OPCML: variants seen among roughly 807,000 people sequenced by gnomAD.
The protein encoded by OPCML is opioid-binding protein/cell adhesion molecule.
In OPCML, 13 loss-of-function variants were observed where a neutral mutation model predicts 37.8. That is an observed-to-expected ratio of 0.34 (90% confidence interval 0.22 to 0.55). The LOEUF is 0.55. OPCML is among the 20% of genes least tolerant of loss of function. The pLI, the probability that OPCML is intolerant of heterozygous loss-of-function variation, is 0.91. For missense variants in OPCML, 341 were observed against 435.6 expected (o/e 0.78, Z 1.93); for synonymous variants, 176 against 168.8 (o/e 1.04, Z -0.33).
At position 132,635,544 on chromosome 11, in the gene OPCML, A is replaced by G. The variant is rs1378900044; in HGVS notation, c.379+21543T>C. Among the ~76,000 whole-genome samples, 4 of 151,540 alleles carry G rather than the reference A, an allele frequency of 2.6e-5. No homozygotes were observed. In the East Asian group the frequency reaches 7.8e-4, roughly 30 times the overall value. Reference sequence around the variant, plus strand: ...AGTTTTATTCAAGGAAAAAAAAAAAAAAAGCCAGACTTCATGATATATGTC... The same window carrying G: ...AGTTTTATTCAAGGAAAAAAAAAAAGAAAGCCAGACTTCATGATATATGTC... On this transcript the variant is annotated intron_variant, in intron 3 of 7. Transcript: ENST00000524381.
At chr11:132,698,803 C>CAT (rs1225812506) in intron 2 of OPCML, among the ~76,000 whole-genome samples, 1 of 151,578 alleles carries the variant, frequency 6.6e-6, no homozygotes, top group African/African-American at 2.4e-5. Context: ...AGATGATTTT[C>CAT]ATATATATAT....
intron 1 of OPCML, among the ~76,000 whole-genome samples, chr11:133,138,547 G>GA (rs1021929699): frequency 2.0e-5 from 3 of 152,152 alleles, no homozygotes; most frequent in Non-Finnish European, 4.4e-5. Flanking sequence ...TTCTTCACCT[G>GA]AAAATAGGAC....
At chr11:133,315,088 C>A (rs964227613) in intron 1 of OPCML, among the ~76,000 whole-genome samples, 1 of 152,098 alleles carries the variant, frequency 6.6e-6, no homozygotes, top group East Asian at 1.9e-4. Context: ...TTTGCAAATT[C>A]ATTGAATTAG....
intron 2 of OPCML, among the ~76,000 whole-genome samples, chr11:132,840,862 C>T (rs928625979): frequency 6.6e-5 from 10 of 151,982 alleles, no homozygotes; most frequent in Admixed American, 2.6e-4. Context: ...CACACAGCAG[C>T]GCCAGGCCAG....
intron 2 of OPCML, among the ~76,000 whole-genome samples, chr11:132,855,146 A>T (rs1942002890): frequency 6.6e-6 from 1 of 152,160 alleles, no homozygotes; most frequent in Admixed American, 6.5e-5. Flanking sequence ...ATCTGTTCCT[A>T]TGGATAACAT....
chr11:133,508,215 A>G (rs1202111411), intron 1 of OPCML, among the ~76,000 whole-genome samples: 1 of 152,144 alleles, frequency 6.6e-6, no homozygotes, highest in East Asian at 1.9e-4. Context: ...TTTACTGTGT[A>G]CAGTGGCCAG....
intron 1 of OPCML, among the ~76,000 whole-genome samples, chr11:133,351,604 C>A (rs960606917): frequency 4.6e-5 from 7 of 152,174 alleles, no homozygotes; most frequent in African/African-American, 1.7e-4. Flanking sequence ...TTCCAGTCTC[C>A]TGTTTGCACA....
intron 1 of OPCML, among the ~76,000 whole-genome samples, chr11:133,209,230 T>C (rs1349062344): frequency 1.3e-5 from 2 of 152,222 alleles, no homozygotes; most frequent in African/African-American, 2.4e-5. Context: ...GTGTGAGACA[T>C]GTTTACCCCT....
chr11:133,396,919 G>A (rs1945298368), intron 1 of OPCML, among the ~76,000 whole-genome samples: 1 of 152,130 alleles, frequency 6.6e-6, no homozygotes, highest in African/African-American at 2.4e-5. Context: ...TTTACTTTCA[G>A]CTGTAGTATA....
intron 1 of OPCML, among the ~76,000 whole-genome samples, chr11:133,159,701 T>A (rs540911074): frequency 2.0e-5 from 3 of 152,356 alleles, no homozygotes; most frequent in East Asian, 3.9e-4. Flanking sequence ...GGCAGGGCTC[T>A]GTCACCCTTG....
In OPCML at chr11:133,019,428, G is replaced by A. The variant is rs146855092; in HGVS notation, c.62-76418C>T. Reference sequence around the variant, plus strand: ...TGAGGTCAGGCGGCCCCTTCTCCATGTCTCTCCATGCGGACACCACTTGAT... The same window carrying A: ...TGAGGTCAGGCGGCCCCTTCTCCATATCTCTCCATGCGGACACCACTTGAT... On this transcript the variant is annotated intron_variant, in intron 1 of 7. Transcript: ENST00000524381. 1.9e-3 allele frequency among the ~76,000 whole-genome samples: 295 copies of A among 152,284 alleles called. 2 individuals carry two copies. The highest frequency in any genetic ancestry group is 6.9e-3 in the African/African-American group (285 of 41,566).
intron 3 of OPCML, among the ~76,000 whole-genome samples, chr11:132,621,925 C>T (rs1410657137): frequency 6.6e-6 from 1 of 152,102 alleles, no homozygotes; most frequent in African/African-American, 2.4e-5. Context: ...ATTTTCCCTC[C>T]ATGGAATTTG....
chr11:132,906,330 A>G (rs754717612), intron 2 of OPCML, among the ~76,000 whole-genome samples: 3 of 152,226 alleles, frequency 2.0e-5, no homozygotes, highest in Non-Finnish European at 4.4e-5. Context: ...CATCTTAAAT[A>G]AATCTTTAAA....
intron 1 of OPCML, among the ~76,000 whole-genome samples, chr11:133,204,884 A>ATATATGTGTATATATATATATATATGTG (rs1555114210): frequency 3.0e-4 from 11 of 36,268 alleles, no homozygotes; most frequent in South Asian, 1.7e-3. Context: ...ATATATATAT[A>ATATATGTGTATATATATATATATATGTG]TATATATATA....
At chr11:132,458,307 T>G (rs1218866857) in intron 4 of OPCML, among the ~76,000 whole-genome samples, 1 of 152,206 alleles carries the variant, frequency 6.6e-6, no homozygotes, top group Non-Finnish European at 1.5e-5. Flanking sequence ...AATCTGGTTA[T>G]ATTCTACCCA....
chr11:132,731,010 G>A (rs146551911), intron 2 of OPCML, among the ~76,000 whole-genome samples: 1,719 of 152,258 alleles, frequency 0.011, 18 homozygotes, highest in Middle Eastern at 0.034. Flanking sequence ...TGTCTGCTTC[G>A]TTATTATTGT....
intron 1 of OPCML, among the ~76,000 whole-genome samples, chr11:133,342,244 C>T (rs989732861): frequency 1.3e-5 from 2 of 152,162 alleles, no homozygotes; most frequent in Admixed American, 6.6e-5. Context: ...AACTAACACA[C>T]TAGAAATAGC....
intron 1 of OPCML, among the ~76,000 whole-genome samples, chr11:133,203,071 C>CA (rs1199792090): frequency 1.4e-4 from 21 of 152,180 alleles, no homozygotes; most frequent in South Asian, 8.3e-4. Flanking sequence ...ATCACACAAA[C>CA]ACAGAGACTG....
intron 1 of OPCML, among the ~76,000 whole-genome samples, chr11:133,227,306 G>T (rs576776778): frequency 6.6e-6 from 1 of 152,198 alleles, no homozygotes; most frequent in Non-Finnish European, 1.5e-5. Context: ...ACATAAATCA[G>T]CTGTCAGCTG....
Sources: gnomAD v4.1 joint callset for allele counts (sites outside exome capture counted in the v4.1 genomes callset) on GRCh38, gnomAD v4.1.1 for gene constraint, MANE v1.5 for transcripts, NCBI Gene and HGNC (gene_info 2026-07-23, HGNC 2026-07-21) for gene names.